Variants in GP6 observed in about 807,000 individuals in gnomAD.
GP6 encodes glycoprotein VI platelet.
A neutral mutation model predicts 37.3 loss-of-function variants in GP6; 45 were observed. The ratio of observed to expected loss-of-function variants is 1.21; its 90% CI spans 0.95 to 1.55. GP6 has a LOEUF of 1.55. Ranked by LOEUF, GP6 falls within the 40% of genes most tolerant of loss-of-function variation. The pLI, the probability that GP6 is intolerant of heterozygous loss-of-function variation, is 0.00. For missense variants in GP6, 813 were observed against 760.2 expected, an observed-to-expected ratio of 1.07 and a Z score of -0.82; for synonymous variants, 340 against 316.4, an observed-to-expected ratio of 1.07 and a Z score of -0.79.
chr19:55,027,930 C>T lies in GP6; in HGVS notation c.326-68G>A, dbSNP rs942142695. The T allele has an allele frequency of 3.4e-6, 5 of 1,490,900 alleles. No homozygotes were observed. The African/African-American group carries it at 5.5e-5, about 16-fold the overall frequency. 92.4% of individuals were successfully genotyped at this position (1,490,900 alleles called of 1,614,324 possible). On this transcript the variant is annotated intron_variant, in intron 3 of 7. Transcript: ENST00000310373. ...ATCTCAGCTGAGACTGGGGAGGTCC[C>T]CACACCTGCCTAAGAGCTGGGGAGC...
At position 55,020,091 on chromosome 19, in the gene GP6, T is replaced by C. The variant is rs181378078; in HGVS notation, c.665-1380A>G. Among the ~76,000 whole-genome samples, 681 of 151,978 alleles carry C rather than the reference T, an allele frequency of 4.5e-3. 4 individuals carry two copies. Among genetic ancestry groups the C allele is most frequent in the Non-Finnish European group, 5.0e-3 (339 of 67,994 alleles). On this transcript the variant is annotated intron_variant, in intron 5 of 7. Transcript: ENST00000310373. ...GGGTACTATCCTGGGAGTCTTTTTA[T>C]GGTGGAACCAGCTTGGAAAAAACTA...
At chr19:55,034,150 A>ATGTGTGTGTGTGTGTGTGTGTGTGTG (rs61435060) in intron 1 of GP6, among the ~76,000 whole-genome samples, 4 of 149,158 alleles carry the variant, frequency 2.7e-5, no homozygotes, top group African/African-American at 9.9e-5. Flanking sequence ...ATATGTATGC[A>ATGTGTGTGTGTGTGTGTGTGTGTGTG]TGTGTGTGTG....
chr19:55,024,178 T>C (rs114775229), intron 5 of GP6, among the ~76,000 whole-genome samples: 2,477 of 152,264 alleles, frequency 0.016, 55 homozygotes, highest in African/African-American at 0.057. Flanking sequence ...ATGGGATTCT[T>C]CTGTTCTATC....
chr19:55,017,796 C>T (rs550728813), intron 6 of GP6, among the ~76,000 whole-genome samples: 141 of 152,108 alleles, frequency 9.3e-4, no homozygotes, highest in Non-Finnish European at 4.6e-4. Flanking sequence ...ATATGCCGGG[C>T]GCGGTGGCTC....
In GP6 at chr19:55,013,946, T is replaced by A; in HGVS notation, c.*136A>T. 2.5e-6 allele frequency: 1 copy of A among 405,070 alleles called. No individual in the cohort carries two copies. The highest frequency in any genetic ancestry group is 4.9e-6 in the Non-Finnish European group (1 of 203,692). The allele number at this position is 405,070 out of a possible 1,614,324, so 25.1% of individuals were successfully genotyped here. A position where few individuals can be genotyped will look rare whatever the true frequency, so the allele number is the denominator to read the frequency against. On this transcript the variant is annotated 3_prime_UTR_variant, in exon 8 of 8. Transcript: ENST00000310373. ...CTTTACCTTGAGAAGACCTAACATT[T>A]CCTTCAGAAAGTAAATATGAGAGGG... is the stretch of plus-strand genomic sequence containing the variant.
Position 55,019,662 on chromosome 19 carries a change from G to A in GP6, c.665-951C>T, listed in dbSNP as rs114259544. Among the ~76,000 whole-genome samples, 1,082 of 149,234 alleles carry A rather than the reference G, an allele frequency of 7.3e-3. 12 individuals are homozygous for A. The highest frequency in any genetic ancestry group is 0.026 in the African/African-American group (1,044 of 40,654). Reference sequence around the variant, plus strand: ...ACGGGATCTCCACCTTCCAACTTAGGCCATTTTCTTTTTTTCTTTTTTTTT... The same window carrying A: ...ACGGGATCTCCACCTTCCAACTTAGACCATTTTCTTTTTTTCTTTTTTTTT... On this transcript the variant is annotated intron_variant, in intron 5 of 7. Coordinates refer to ENST00000310373, the MANE Select transcript of GP6 (RefSeq NM_001083899.2).
intron 5 of GP6, among the ~76,000 whole-genome samples, chr19:55,021,809 C>T (rs756345475): frequency 1.3e-4 from 20 of 152,088 alleles, no homozygotes; most frequent in South Asian, 2.1e-4. Context: ...CGTGAGCCAC[C>T]GTGCCCGGCG....
At chr19:55,023,057 T>C (rs192174390) in intron 5 of GP6, among the ~76,000 whole-genome samples, 1 of 152,222 alleles carries the variant, frequency 6.6e-6, no homozygotes, top group East Asian at 1.9e-4. Context: ...AAGACAATAC[T>C]AAGCAAAAAG....
chr19:55,024,311 T>TGCACGCACACGCACATGCACGCAC (rs1568612952), intron 5 of GP6, among the ~76,000 whole-genome samples: 7 of 120,676 alleles, frequency 5.8e-5, no homozygotes, highest in African/African-American at 2.3e-4. Flanking sequence ...CACACACATA[T>TGCACGCACACGCACATGCACGCAC]GCACGCACAC....
At position 55,015,021 on chromosome 19, in the gene GP6, C is replaced by G. The variant is rs1393029150; in HGVS notation, c.924G>C (p.Glu308Asp). The change falls in exon 8 of 8, where the codon GAG becomes GAC. Residue 308 changes from glutamate (E) to aspartate (D), a missense_variant. Coordinates refer to ENST00000310373, the MANE Select transcript of GP6 (RefSeq NM_001083899.2). ...GAGGGGCGGGAGGGGCGGAAGCGGCCTCTGCACAGCCCTGCCCCTGTGCCG... is the reference window on the plus strand; with the variant it reads ...GAGGGGCGGGAGGGGCGGAAGCGGCGTCTGCACAGCCCTGCCCCTGTGCCG... 1.2e-6 allele frequency: 2 copies of G among 1,611,988 alleles called. No homozygotes were observed. Among genetic ancestry groups the G allele is most frequent in the Non-Finnish European group, 1.7e-6 (2 of 1,179,312 alleles).
intron 3 of GP6, among the ~76,000 whole-genome samples, chr19:55,030,416 C>T (rs889032887): frequency 3.3e-5 from 5 of 151,708 alleles, no homozygotes; most frequent in East Asian, 3.9e-4. Flanking sequence ...GGTGCAATCT[C>T]GGCTCACCGC....
chr19:55,023,950 GGGT>G (rs2074173218), intron 5 of GP6, among the ~76,000 whole-genome samples: 1 of 61,120 alleles, frequency 1.6e-5, no homozygotes. Flanking sequence ...GGAAGGAGAA[GGGT>G]GTAGGTGTGA....
At chr19:55,034,424 C>T (rs1341724137) in intron 1 of GP6, among the ~76,000 whole-genome samples, 1 of 151,948 alleles carries the variant, frequency 6.6e-6, no homozygotes, top group African/African-American at 2.4e-5. Flanking sequence ...GGCATGGTGG[C>T]ACGTGCCTGT....
Position 55,014,532 on chromosome 19 carries a change from A to AT in GP6, c.1412dup (p.Asn471LysfsTer53), listed in dbSNP as rs1221082072. On this transcript the variant is annotated frameshift_variant, in exon 8 of 8. Coordinates refer to ENST00000310373, the MANE Select transcript of GP6 (RefSeq NM_001083899.2). LOFTEE classifies it low-confidence loss of function (END_TRUNC). ...GAGGGCCAAAGGGAAGCACGGGAGG[A>AT]TTTTGCACAGAGGATGGAACAGAGT... 1 of 1,613,842 alleles carries AT rather than the reference A, an allele frequency of 6.2e-7. No homozygotes were observed. Among genetic ancestry groups the AT allele is most frequent in the Non-Finnish European group, 8.5e-7 (1 of 1,179,730 alleles).
chr19:55,014,876 G>T lies in GP6; in HGVS notation c.1069C>A (p.His357Asn). Residue 357 changes from histidine (H) to asparagine (N), a missense_variant, in exon 8 of 8, where the codon CAT (histidine) becomes AAT (asparagine). By Grantham distance (68) the His-to-Asn change is moderately conservative (BLOSUM62 1). Transcript: ENST00000310373. ...CGCCAGTCTTTGAGTCGCCTCCCAT[G>T]CCATGATCCCTCCCTTGGATACGAC... The T allele has an allele frequency of 6.2e-7, 1 of 1,613,938 alleles. No individual in the cohort carries two copies. The highest frequency in any genetic ancestry group is 8.5e-7 in the Non-Finnish European group (1 of 1,180,016).
rs756516167 is a variant in GP6 at position 55,014,208 on chromosome 19, A to G, written c.1737T>C (p.Asn579=). 2 of 759,492 alleles carry G rather than the reference A, an allele frequency of 2.6e-6. No homozygotes were observed. Among genetic ancestry groups the G allele is most frequent in the Non-Finnish European group, 4.7e-6 (2 of 427,660 alleles). The allele number at this position is 759,492 out of a possible 1,614,324, so 47.0% of individuals were successfully genotyped here. A position where few individuals can be genotyped will look rare whatever the true frequency, so the allele number is the denominator to read the frequency against. Residue 579 remains asparagine, a synonymous_variant, in exon 8 of 8, where the codon AAT becomes AAC. Transcript: ENST00000310373. ...AACCTCTGCCTCCCAGGCTCAAGCCATTCTCCCACCTCAGCCCCCTGAGTT... is the reference window on the plus strand; with the variant it reads ...AACCTCTGCCTCCCAGGCTCAAGCCGTTCTCCCACCTCAGCCCCCTGAGTT...
At chr19:55,036,182 A>G (rs542637431) in intron 1 of GP6, among the ~76,000 whole-genome samples, 2 of 152,214 alleles carry the variant, frequency 1.3e-5, no homozygotes, top group East Asian at 1.9e-4. Flanking sequence ...ATTCTCACTT[A>G]TAAGTGAGAG....
chr19:55,029,721 T>TAAAAA (rs71996614), intron 3 of GP6, among the ~76,000 whole-genome samples: 11,291 of 147,908 alleles, frequency 0.076, 532 homozygotes, highest in Non-Finnish European at 0.11. Context: ...ACCACCAAGA[T>TAAAAA]AAAAAAAGGT....
In GP6 at chr19:55,017,880, C is replaced by T. The variant is rs145735932; in HGVS notation, c.724+772G>A. 7.8e-3 allele frequency among the ~76,000 whole-genome samples: 1,129 copies of T among 145,006 alleles called. 12 individuals are homozygous for T. The highest frequency in any genetic ancestry group is 0.027 in the African/African-American group (1,089 of 39,682). On this transcript the variant is annotated intron_variant, in intron 6 of 7. Coordinates refer to ENST00000310373, the MANE Select transcript of GP6 (RefSeq NM_001083899.2). ...GGTCAGGAGTTCAAGACCAGCCTTC[C>T]CAAGATGCTGAAACCCCGTCTCTAC...
Sources: allele counts gnomAD v4.1 joint callset (sites outside exome capture counted in the v4.1 genomes callset), GRCh38; gene constraint gnomAD v4.1.1; transcripts MANE v1.5; gene names NCBI Gene and HGNC (gene_info 2026-07-23, HGNC 2026-07-21).